ATXN2L: variants seen among roughly 807,000 people sequenced by gnomAD.
ATXN2L encodes the protein ataxin-2-like protein.
In ATXN2L, 24 loss-of-function variants were observed where a neutral mutation model predicts 120.7. That is an observed-to-expected ratio of 0.20 (90% CI 0.14 to 0.28). The LOEUF is 0.28. Among genes scored for constraint, ATXN2L ranks in the 10% least tolerant of loss-of-function variants. The pLI, the probability that ATXN2L is intolerant of heterozygous loss-of-function variation, is 1.00. For missense variants in ATXN2L, 1,312 were observed against 1,432.3 expected, an observed-to-expected ratio of 0.92 and a Z score of 1.36; for synonymous variants, 653 against 568.1, an observed-to-expected ratio of 1.15 and a Z score of -2.13.
Position 28,824,147 on chromosome 16 carries a change from C to G in ATXN2L, c.299+589C>G, listed in dbSNP as rs1023577434. On this transcript the variant is annotated intron_variant, in intron 1 of 21. Transcript: ENST00000336783. ...AGCCTCTGGCGCGCGCGCCCCCTTC[C>G]CGTACGTGCGCGTGGATGCTCGGTC... The G allele has an allele frequency of 2.9e-6, 3 of 1,023,958 alleles. No homozygotes were observed. The African/African-American group carries it at 5.2e-5, about 18-fold the overall frequency. The allele number at this position is 1,023,958 out of a possible 1,614,324, so 63.4% of individuals were successfully genotyped here.
intron 10 of ATXN2L, among the ~76,000 whole-genome samples, chr16:28,831,331 T>C (rs1369626381): frequency 6.6e-6 from 1 of 152,112 alleles, no homozygotes; most frequent in Admixed American, 6.6e-5. Context: ...TTTTGTTTTG[T>C]TTTTTTCTTT....
chr16:28,826,195 T>G (rs772925916), intron 4 of ATXN2L, 45 bp from the exon 5 acceptor site: 8 of 1,602,978 alleles, frequency 5.0e-6, no homozygotes, highest in Non-Finnish European at 6.8e-6. Flanking sequence ...TGCCTTCACT[T>G]TTCTTGAAAC....
At chr16:28,832,102 T>C in intron 10 of ATXN2L, 103 bp from the exon 11 acceptor site, 2 of 1,267,332 alleles carry the variant, frequency 1.6e-6, no homozygotes, top group South Asian at 2.8e-5. Context: ...TTGGTGACTC[T>C]GGTTGTATAG....
Position 28,835,369 on chromosome 16 carries a change from G to T in ATXN2L, c.2655G>T (p.Gln885His), listed in dbSNP as rs1596577428. 6.2e-7 allele frequency: 1 copy of T among 1,613,218 alleles called. No homozygotes were observed. Residue 885 changes from glutamine to histidine, a missense_variant, in exon 20 of 22, where the codon CAG becomes CAT. Gln to His is a conservative substitution (Grantham distance 24, BLOSUM62 0). Transcript: ENST00000336783. ...CCACGCCTACTGGAAGCCAGCCGCAGTCCCAGCATGCGGCCCCCAGTCCTG... is the reference window on the plus strand; with the variant it reads ...CCACGCCTACTGGAAGCCAGCCGCATTCCCAGCATGCGGCCCCCAGTCCTG... The part of the protein sequence containing the change: ...PATTPTGSQP[Q>H]SQHAAPSPVQ...
Position 28,836,154 on chromosome 16 carries a change from A to G in ATXN2L, c.3117A>G (p.Pro1039=). The G allele has an allele frequency of 6.2e-7, 1 of 1,614,080 alleles. No individual in the cohort carries two copies. The highest frequency in any genetic ancestry group is 8.5e-7 in the Non-Finnish European group (1 of 1,179,986). Residue 1039 remains proline (P), a synonymous_variant, in exon 22 of 22, where the codon CCA becomes CCG. Coordinates refer to ENST00000336783, the MANE Select transcript of ATXN2L (RefSeq NM_007245.4). The part of the protein sequence containing the change: ...GEQPGQAPGF[P]GGADDRIREF... The stretch of plus-strand genomic sequence containing the variant: ...AGCCTGGCCAGGCGCCTGGATTTCC[A>G]GGAGGAGCCGATGACAGGATTCGTG...
At chr16:28,835,893 G>A in intron 21 of ATXN2L, 40 bp from the exon 22 acceptor site, 1 of 1,557,720 alleles carries the variant, frequency 6.4e-7, no homozygotes, top group Non-Finnish European at 8.7e-7. Context: ...TCTGTTTCAG[G>A]ATTCTGTGGT....
In ATXN2L at chr16:28,825,804, C is replaced by T. The variant is rs1368772393; in HGVS notation, c.428C>T (p.Thr143Ile). ...STCDVKVKNG[T>I]TYEGIFKTLS... ...TGTGATGTAAAGGTGAAAAATGGTA[C>T]CACTTATGAGGGTATCTTCAAGACG... is the stretch of plus-strand genomic sequence containing the variant. Residue 143 changes from threonine to isoleucine, a missense_variant, in exon 4 of 22, where the codon ACC becomes ATC. By Grantham distance (89) the Thr-to-Ile change is moderately conservative. Coordinates refer to ENST00000336783, the MANE Select transcript of ATXN2L (RefSeq NM_007245.4). 5 of 1,613,884 alleles carry T rather than the reference C, an allele frequency of 3.1e-6. No homozygotes were observed. The African/African-American group carries it at 6.7e-5, about 22-fold the overall frequency.
intron 2 of ATXN2L, 38 bp downstream of exon 2, chr16:28,825,440 C>T: frequency 1.9e-6 from 3 of 1,606,230 alleles, no homozygotes; most frequent in East Asian, 2.2e-5. Flanking sequence ...GATACATAGA[C>T]CTAAAAGATG....
intron 18 of ATXN2L, 125 bp downstream of exon 18, chr16:28,834,818 T>C (rs1301348322): frequency 7.9e-7 from 1 of 1,264,802 alleles, no homozygotes; most frequent in African/African-American, 1.5e-5. Flanking sequence ...CCCTCTGTGG[T>C]ATTGGCGGTG....
intron 6 of ATXN2L, 105 bp from the exon 7 acceptor site, chr16:28,829,296 C>T: frequency 1.3e-6 from 1 of 793,898 alleles, no homozygotes. Context: ...AGCCACTGTG[C>T]CCAGCCAATT....
At chr16:28,827,972 G>A (rs1387879130) in intron 6 of ATXN2L, among the ~76,000 whole-genome samples, 1 of 152,212 alleles carries the variant, frequency 6.6e-6, no homozygotes, top group Non-Finnish European at 1.5e-5. Flanking sequence ...GTTTGTACAA[G>A]AATTTGCTTT....
intron 1 of ATXN2L, chr16:28,823,856 G>A (rs1198582920): frequency 1.5e-5 from 5 of 332,754 alleles, no homozygotes; most frequent in Admixed American, 1.0e-4. Flanking sequence ...GGAGTTGGGG[G>A]GGGGCAAGGA....
rs986299661 is a variant in ATXN2L, at chr16:28,833,294, C to G, written c.1895C>G (p.Thr632Ser). 2 of 1,614,042 alleles carry G rather than the reference C, an allele frequency of 1.2e-6. No individual in the cohort carries two copies. The highest frequency in any genetic ancestry group is 2.7e-5 in the African/African-American group (2 of 74,942). ...CCCCCACCACCTTGTCCAAGCCAAA[C>G]TGGCAGCCCCCCGGTGGGCCTCATC... Reference protein sequence around the residue: ...EQPPPPCPSQTGSPPVGLIKG... With the variant: ...EQPPPPCPSQSGSPPVGLIKG... The change falls in exon 14 of 22, where the codon ACT becomes AGT. Residue 632 changes from threonine to serine, a missense_variant. By Grantham distance (58) the Thr-to-Ser change is moderately conservative. Transcript: ENST00000336783.
intron 20 of ATXN2L, 62 bp from the exon 21 acceptor site, chr16:28,835,487 C>G: frequency 6.2e-7 from 1 of 1,609,980 alleles, no homozygotes; most frequent in South Asian, 1.1e-5. Flanking sequence ...TTCTGAGTGG[C>G]GAGGACTGGG....
At chr16:28,833,379 G>T (rs750197666) in intron 14 of ATXN2L, 25 bp downstream of exon 14, 5 of 1,613,866 alleles carry the variant, frequency 3.1e-6, no homozygotes, top group Non-Finnish European at 3.4e-6. Context: ...GTGGGGCTCT[G>T]GGAGGATGGC....
chr16:28,831,030 A>C lies in ATXN2L; in HGVS notation c.1279A>C (p.Asn427His), dbSNP rs2054197737. Residue 427 changes from asparagine to histidine, a missense_variant, in exon 10 of 22, where the codon AAT becomes CAT. Physicochemically the swap from Asn to His is moderately conservative, Grantham distance 68. Coordinates refer to ENST00000336783, the MANE Select transcript of ATXN2L (RefSeq NM_007245.4). ...TGCCAAGACTCTGTCTTCGCCCAGT[A>C]ATAGGCCTTCTGGAGAAACTTCTGT... ...RGAKTLSSPS[N>H]RPSGETSVPP... is the part of the protein sequence containing the mutation. The C allele has an allele frequency of 6.2e-7, 1 of 1,611,764 alleles. No homozygotes were observed. The highest frequency in any genetic ancestry group is 8.5e-7 in the Non-Finnish European group (1 of 1,179,536).
At chr16:28,829,047 G>A (rs961175886) in intron 6 of ATXN2L, among the ~76,000 whole-genome samples, 2 of 152,162 alleles carry the variant, frequency 1.3e-5, no homozygotes, top group Non-Finnish European at 2.9e-5. Flanking sequence ...CCAGGCCAGA[G>A]CGCAGTGGTG....
rs2055430616 is a variant in ATXN2L at position 28,833,773 on chromosome 16, A to C, written c.2025+265A>C. ...AACAGGCTTTTCTTTGGTTCTTGGC[A>C]TTTGGCTGAGGGAGTATTGGAGTGG... is the stretch of plus-strand genomic sequence containing the variant. On this transcript the variant is annotated intron_variant, in intron 15 of 21. Transcript: ENST00000336783. 5 of 608,896 alleles carry C rather than the reference A, an allele frequency of 8.2e-6. No individual in the cohort carries two copies. In the South Asian group the frequency reaches 1.0e-4, roughly 12 times the overall value. 37.7% of individuals were successfully genotyped at this position (608,896 alleles called of 1,614,324 possible).
chr16:28,833,189 C>G lies in ATXN2L; in HGVS notation c.1790C>G (p.Ser597Cys). 1 of 1,614,168 alleles carries G rather than the reference C, an allele frequency of 6.2e-7. No individual in the cohort carries two copies. Among genetic ancestry groups the G allele is most frequent in the Non-Finnish European group, 8.5e-7 (1 of 1,180,040 alleles). ...LTSEPMGSPV[S>C]SKTESVSDKE... ...TCAGAGCCCATGGGGTCTCCCGTCTCCTCCAAGACAGAGTCCGTATCGGAT... is the reference window on the plus strand; with the variant it reads ...TCAGAGCCCATGGGGTCTCCCGTCTGCTCCAAGACAGAGTCCGTATCGGAT... Residue 597 changes from serine to cysteine, a missense_variant, in exon 14 of 22, where the codon TCC (serine) becomes TGC (cysteine). By Grantham distance (112) the Ser-to-Cys change is moderately radical. Transcript: ENST00000336783.
Sources: gnomAD v4.1 joint callset for allele counts (sites outside exome capture counted in the v4.1 genomes callset) on GRCh38, gnomAD v4.1.1 for gene constraint, MANE v1.5 for transcripts, NCBI Gene and HGNC (gene_info 2026-07-23, HGNC 2026-07-21) for gene names.